UGT2B4: variants seen among roughly 807,000 people sequenced by gnomAD.
UGT2B4 encodes the protein UDP-glucuronosyltransferase 2B4.
A neutral mutation model predicts 49.8 loss-of-function variants in UGT2B4; 49 were observed. The ratio of observed to expected loss-of-function variants is 0.98; its 90% CI spans 0.78 to 1.25. The LOEUF (loss-of-function observed/expected upper bound fraction) is 1.25, where lower values mean the gene tolerates loss of function less well. Among genes scored for constraint, UGT2B4 ranks in the 50% most tolerant of loss-of-function variants. The probability of loss-of-function intolerance (pLI) is 0.00; values close to 1 mark genes in which losing one functional copy is unlikely to be tolerated. For synonymous variants in UGT2B4, 246 were observed against 217.7 expected (o/e 1.13, Z -1.14); for missense variants, 729 against 627.7 (o/e 1.16, Z -1.73).
At chr4:69,492,092 T>G (rs1260045800) in intron 2 of UGT2B4, among the ~76,000 whole-genome samples, 1 of 152,096 alleles carries the variant, frequency 6.6e-6, no homozygotes, top group Non-Finnish European at 1.5e-5. Context: ...AATTCTTTTA[T>G]TATTGTAAAC....
In UGT2B4 at chr4:69,521,656, C is replaced by T. The variant is rs116321700; in HGVS notation, c.-106+4031G>A. On this transcript the variant is annotated intron_variant, in intron 1 of 1. Coordinates refer to the UGT2B4 transcript ENST00000510114. Reference sequence around the variant, plus strand: ...ATCCAGGCTGGTAGCAAGAGCCAAGCGCAGCCTGCTGGGCCAAGTGGGTAG... The same window carrying T: ...ATCCAGGCTGGTAGCAAGAGCCAAGTGCAGCCTGCTGGGCCAAGTGGGTAG... 6.1e-3 allele frequency among the ~76,000 whole-genome samples: 932 copies of T among 152,266 alleles called. 7 individuals carry two copies. Among genetic ancestry groups the T allele is most frequent in the Non-Finnish European group, 0.011 (741 of 68,012 alleles).
At chr4:69,516,847 ATT>A (rs1728746635) in intron 1 of UGT2B4, among the ~76,000 whole-genome samples, 1 of 147,132 alleles carries the variant, frequency 6.8e-6, no homozygotes, top group African/African-American at 2.5e-5. Context: ...ACCTCAGGTG[ATT>A]TGCCCGCCTT....
chr4:69,495,504 T>G lies in UGT2B4; in HGVS notation c.358A>C (p.Asn120His). 6.2e-7 allele frequency: 1 copy of G among 1,612,352 alleles called. No homozygotes were observed. The change falls in exon 1 of 6, where the codon AAT becomes CAT. Residue 120 changes from asparagine to histidine, a missense_variant. Physicochemically the swap from Asn to His is moderately conservative, Grantham distance 68. Coordinates refer to ENST00000305107, the MANE Select transcript of UGT2B4 (RefSeq NM_021139.3). ...SQVQEIMWTFNDILRKFCKDI... is the reference protein window; with the variant it reads ...SQVQEIMWTFHDILRKFCKDI... ...TTACAGAACTTTCTAAGTATGTCAT[T>G]AAATGTCCACATGATTTCTTGTACT... is the stretch of plus-strand genomic sequence containing the variant.
intron 1 of UGT2B4, among the ~76,000 whole-genome samples, chr4:69,513,423 A>G (rs1387908227): frequency 2.0e-5 from 3 of 152,104 alleles, no homozygotes; most frequent in African/African-American, 7.2e-5. Context: ...TGAGTTCTCT[A>G]TTCTGTTCCA....
chr4:69,504,996 AT>A (rs1728433342), intron 1 of UGT2B4, among the ~76,000 whole-genome samples: 1 of 152,228 alleles, frequency 6.6e-6, no homozygotes, highest in East Asian at 1.9e-4. Context: ...AAAATAAGAT[AT>A]TTTTTAGGCA....
intron 2 of UGT2B4, among the ~76,000 whole-genome samples, chr4:69,490,067 A>G (rs1727934352): frequency 6.6e-6 from 1 of 152,158 alleles, no homozygotes; most frequent in Non-Finnish European, 1.5e-5. Flanking sequence ...ACGTAAACCT[A>G]CATTTATCTT....
chr4:69,482,472 C>T (rs41297731), intron 5 of UGT2B4, among the ~76,000 whole-genome samples: 2 of 152,286 alleles, frequency 1.3e-5, no homozygotes, highest in East Asian at 1.9e-4. Flanking sequence ...TCAGAATCTT[C>T]TTAGAAGAAC....
At chr4:69,498,549 C>T (rs540288712), upstream of UGT2B4, among the ~76,000 whole-genome samples, 1 of 150,894 alleles carries the variant, frequency 6.6e-6, no homozygotes, top group Non-Finnish European at 1.5e-5. Context: ...ATTACTGCCT[C>T]CATTTCAGAA....
intron 1 of UGT2B4, among the ~76,000 whole-genome samples, chr4:69,508,799 CCATGA>C (rs1728536722): frequency 6.6e-6 from 1 of 152,062 alleles, no homozygotes; most frequent in South Asian, 2.1e-4. Context: ...ACAGCAAACC[CCATGA>C]CATAAGTTTA....
At chr4:69,519,694 C>A (rs190621214) in intron 1 of UGT2B4, among the ~76,000 whole-genome samples, 24 of 152,322 alleles carry the variant, frequency 1.6e-4, no homozygotes, top group African/African-American at 5.8e-4. Context: ...AAGATCTTCA[C>A]CCTAAAACAG....
intron 1 of UGT2B4, among the ~76,000 whole-genome samples, chr4:69,501,555 C>G (rs1223633234): frequency 1.3e-5 from 2 of 151,986 alleles, no homozygotes; most frequent in African/African-American, 2.4e-5. Flanking sequence ...GCAAAGCAGT[C>G]CTACAAAAAT....
upstream of UGT2B4, chr4:69,495,959 C>A (rs1158683848): frequency 6.7e-6 from 10 of 1,496,658 alleles, no homozygotes; most frequent in Non-Finnish European, 8.9e-6. Context: ...TAAAATGTAA[C>A]TTTTACACTT....
chr4:69,519,760 G>GATT (rs1728805609), intron 1 of UGT2B4, among the ~76,000 whole-genome samples: 3 of 152,130 alleles, frequency 2.0e-5, no homozygotes, highest in Admixed American at 1.3e-4. Context: ...CACAGGTATG[G>GATT]AACAAAGGAC....
Position 69,518,242 on chromosome 4 carries a change from TACCTGGTG to T in UGT2B4, c.-106+7437_-106+7444del, listed in dbSNP as rs1460709338. 3 of 152,888 alleles carry T rather than the reference TACCTGGTG, an allele frequency of 2.0e-5. No homozygotes were observed. In the East Asian group the frequency reaches 5.7e-4, roughly 29 times the overall value. 9.5% of individuals were successfully genotyped at this position (152,888 alleles called of 1,614,324 possible). ...GCCTGTGTGTGTGAGTCAACACTGT[TACCTGGTG>T]ACCCCTCTCTATGAGTTCCTCCAAA... is the stretch of plus-strand genomic sequence containing the variant. On this transcript the variant is annotated intron_variant, in intron 1 of 1. Transcript: ENST00000510114.
At chr4:69,503,862 C>A (rs1453478808) in intron 1 of UGT2B4, among the ~76,000 whole-genome samples, 2 of 152,140 alleles carry the variant, frequency 1.3e-5, no homozygotes, top group Admixed American at 6.5e-5. Context: ...TTCACCTGGG[C>A]CACCGCAGCT....
chr4:69,500,661 G>GA (rs1560438429), upstream of UGT2B4, among the ~76,000 whole-genome samples: 1 of 117,642 alleles, frequency 8.5e-6, no homozygotes, highest in Non-Finnish European at 2.2e-5. Context: ...AAGAAAGAAA[G>GA]AAAGAAAGGA....
chr4:69,519,504 C>A (rs577965152), intron 1 of UGT2B4, among the ~76,000 whole-genome samples: 2 of 152,140 alleles, frequency 1.3e-5, no homozygotes, highest in African/African-American at 4.8e-5. Context: ...ATCTATCTTT[C>A]TGTGAAAGGA....
chr4:69,481,430 A>T (rs1230445149), intron 5 of UGT2B4, among the ~76,000 whole-genome samples: 1 of 152,232 alleles, frequency 6.6e-6, no homozygotes, highest in Non-Finnish European at 1.5e-5. Context: ...GGAATTTCAT[A>T]ATTGACAAAT....
At chr4:69,490,761 T>C (rs1727962019) in intron 2 of UGT2B4, among the ~76,000 whole-genome samples, 1 of 152,170 alleles carries the variant, frequency 6.6e-6, no homozygotes, top group South Asian at 2.1e-4. Context: ...AGAGTCATTG[T>C]TCTGCTATTC....
Sources: allele counts gnomAD v4.1 joint callset (sites outside exome capture counted in the v4.1 genomes callset), GRCh38; gene constraint gnomAD v4.1.1; transcripts MANE v1.5; gene names NCBI Gene and HGNC (gene_info 2026-07-23, HGNC 2026-07-21).